Variants in ALDH3B2 observed in about 807,000 individuals in gnomAD.
The protein encoded by ALDH3B2 is aldehyde dehydrogenase 3 family member B2.
A neutral mutation model predicts 36.7 loss-of-function variants in ALDH3B2; 45 were observed. The observed-to-expected ratio is 1.23, with a 90% CI of 0.97 to 1.57. The LOEUF is 1.57. Ranked by LOEUF, ALDH3B2 falls within the 40% of genes most tolerant of loss-of-function variation. The pLI is 0.00. For missense variants in ALDH3B2, 464 were observed against 513.3 expected, an observed-to-expected ratio of 0.90 and a Z score of 0.93; for synonymous variants, 217 against 226.5, an observed-to-expected ratio of 0.96 and a Z score of 0.38.
Position 67,664,428 on chromosome 11 carries a change from G to C in ALDH3B2, c.841C>G (p.Leu281Val). ...CTGTTGGAGAAGGCGTACAGGGCCA[G>C]GGGCTTCTCCTGCCGGTTGATGAAC... is the stretch of plus-strand genomic sequence containing the variant. The change falls in exon 8 of 10, where the codon CTG becomes GTG. Residue 281 changes from leucine to valine, a missense_variant. By Grantham distance (32) the Leu-to-Val change is conservative (BLOSUM62 1). Transcript: ENST00000349015. 1 of 1,614,178 alleles carries C rather than the reference G, an allele frequency of 6.2e-7. No individual in the cohort carries two copies.
At chr11:67,667,056 C>G in intron 2 of ALDH3B2, 40 bp from the exon 3 acceptor site, 1 of 1,277,126 alleles carries the variant, frequency 7.8e-7, no homozygotes, top group Non-Finnish European at 1.1e-6. Flanking sequence ...AGGCCCAGAC[C>G]TGGGCCAGGA....
upstream of ALDH3B2, among the ~76,000 whole-genome samples, chr11:67,676,825 T>C (rs1856282153): frequency 6.6e-6 from 1 of 152,112 alleles, no homozygotes; most frequent in Non-Finnish European, 1.5e-5. Flanking sequence ...GGTGAACACC[T>C]TTACACACAT....
chr11:67,666,564 C>T lies in ALDH3B2; in HGVS notation c.151+10G>A. 1 of 1,613,858 alleles carries T rather than the reference C, an allele frequency of 6.2e-7. No homozygotes were observed. Among genetic ancestry groups the T allele is most frequent in the Non-Finnish European group, 8.5e-7 (1 of 1,179,822 alleles). On this transcript the variant is annotated intron_variant, in intron 4 of 9. Coordinates refer to ENST00000349015, the Ensembl canonical transcript of ALDH3B2. ...CGGGGAGAGCATGGGGTTCGGAACG[C>T]CCTCCTCACCTGCGGCGAGGGCGCC...
exon 3 of ALDH3B2, chr11:67,666,979 C>T: frequency 6.2e-7 from 1 of 1,611,770 alleles, no homozygotes; most frequent in Non-Finnish European, 8.5e-7. Context: ...CTCGTTCTGG[C>T]AAAGGATGAG....
intron 1 of ALDH3B2, among the ~76,000 whole-genome samples, chr11:67,669,814 CT>C: frequency 2.3e-5 from 1 of 43,758 alleles, no homozygotes; most frequent in African/African-American, 9.6e-5. Flanking sequence ...CCACGTGTGT[CT>C]GTGTGTGTAT....
At chr11:67,665,811 A>G in intron 6 of ALDH3B2, 140 bp from the exon 7 acceptor site, 1 of 1,308,024 alleles carries the variant, frequency 7.6e-7, no homozygotes, top group South Asian at 1.4e-5. Context: ...CCCATCCTCA[A>G]CTGGCCTTGA....
At chr11:67,669,539 CCTGTGTGTCTATGGGTGT>C (rs1251403297) in intron 1 of ALDH3B2, among the ~76,000 whole-genome samples, 9 of 61,182 alleles carry the variant, frequency 1.5e-4, no homozygotes, top group Non-Finnish European at 2.7e-4. Context: ...TGTATCAGTG[CCTGTGTGTCTATGGGTGT>C]CTGTGTGTCT....
At chr11:67,669,784 G>A (rs1405708563) in intron 1 of ALDH3B2, among the ~76,000 whole-genome samples, 75 of 121,994 alleles carry the variant, frequency 6.1e-4, no homozygotes, top group Middle Eastern at 5.7e-3. Context: ...GGGTGTCTGT[G>A]TGTGTATGGG....
chr11:67,664,279 G>A (rs1028103255), intron 8 of ALDH3B2, 117 bp downstream of exon 8: 12 of 1,500,486 alleles, frequency 8.0e-6, no homozygotes, highest in Admixed American at 5.3e-5. Context: ...CCTAGATATA[G>A]TCACCCTTGA....
At chr11:67,677,593 G>C (rs1953556350), upstream of ALDH3B2, among the ~76,000 whole-genome samples, 1 of 152,100 alleles carries the variant, frequency 6.6e-6, no homozygotes, top group Non-Finnish European at 1.5e-5. Context: ...ATTACTGGCA[G>C]TCCTAGCCAG....
rs755444084 is a variant in ALDH3B2 at position 67,663,264 on chromosome 11, T to C, written c.1109A>G (p.Gln370Arg). 8.1e-6 allele frequency: 13 copies of C among 1,613,922 alleles called. No individual in the cohort carries two copies. The South Asian group carries it at 1.4e-4, about 18-fold the overall frequency. The change falls in exon 10 of 10, where the codon CAG becomes CGG. Residue 370 changes from glutamine to arginine, a missense_variant. Coordinates refer to ENST00000349015, the Ensembl canonical transcript of ALDH3B2. ...GCCCATGCCCCAGCGTAACAGCTGC[T>C]GGTTCCAGTCGGTATAGGGTGGGTA...
chr11:67,669,320 G>C (rs953982333), intron 1 of ALDH3B2, among the ~76,000 whole-genome samples: 9 of 150,708 alleles, frequency 6.0e-5, no homozygotes, highest in Non-Finnish European at 1.3e-4. Flanking sequence ...CTGTATGGGT[G>C]TCTGTGTATG....
At chr11:67,665,339 C>A in exon 7 of ALDH3B2, 3 of 1,612,560 alleles carry the variant, frequency 1.9e-6, no homozygotes, top group South Asian at 1.1e-5. Context: ...CGGCTGCAGC[C>A]CAGCAATGCC....
rs761186674 is a variant in ALDH3B2 at position 67,665,297 on chromosome 11, C to T, written c.694G>A (p.Asp232Asn). The T allele has an allele frequency of 3.5e-5, 57 of 1,607,654 alleles. No homozygotes were observed. Among genetic ancestry groups the T allele is most frequent in the Admixed American group, 2.3e-4 (14 of 59,582 alleles). The change falls in exon 7 of 10, where the codon GAT (aspartate) becomes AAT (asparagine). Residue 232 changes from aspartate to asparagine, a missense_variant. Physicochemically the swap from Asp to Asn is conservative, Grantham distance 23. Coordinates refer to ENST00000349015, the Ensembl canonical transcript of ALDH3B2. ...CAGCAGGACTCACCGATGTAGCGAT[C>T]GCTCTCGTTGCTCTGGCCCCCAATG...
intron 1 of ALDH3B2, among the ~76,000 whole-genome samples, chr11:67,672,933 C>CTTT (rs532673446): frequency 8.4e-6 from 1 of 118,346 alleles, no homozygotes; most frequent in South Asian, 2.5e-4. Context: ...CTTTTCTTTT[C>CTTT]TTTTTTTTTT....
At chr11:67,662,541 T>A (rs957100398) in exon 10 of ALDH3B2, 1 of 152,950 alleles carries the variant, frequency 6.5e-6, no homozygotes, top group Non-Finnish European at 1.5e-5. Flanking sequence ...GAGTTTGGCA[T>A]AAGTGACTCC....
chr11:67,665,185 C>A, intron 7 of ALDH3B2, 100 bp downstream of exon 7: 1 of 1,510,556 alleles, frequency 6.6e-7, no homozygotes. Flanking sequence ...ATAGTGGGGC[C>A]GGGTTTCAGG....
chr11:67,673,862 T>C (rs1456243662), intron 1 of ALDH3B2: 1 of 152,258 alleles, frequency 6.6e-6, no homozygotes, highest in African/African-American at 2.4e-5. Context: ...CATGTGCCAA[T>C]GTGTGCCTCG....
intron 1 of ALDH3B2, among the ~76,000 whole-genome samples, chr11:67,669,952 C>A: frequency 2.2e-5 from 1 of 44,524 alleles, no homozygotes; most frequent in Non-Finnish European, 5.1e-5. Context: ...GTGTGTGTGT[C>A]CACGTGTGTC....
Sources: gnomAD v4.1 joint callset for allele counts (sites outside exome capture counted in the v4.1 genomes callset) on GRCh38, gnomAD v4.1.1 for gene constraint, MANE v1.5 for transcripts, NCBI Gene and HGNC (gene_info 2026-07-23, HGNC 2026-07-21) for gene names.